Variants in FARP1 observed in about 807,000 individuals in gnomAD.
FARP1 encodes FERM, ARHGEF and pleckstrin domain-containing protein 1.
A neutral mutation model predicts 128.8 loss-of-function variants in FARP1; 52 were observed. The observed-to-expected ratio is 0.40, with a 90% CI of 0.32 to 0.51. The LOEUF is 0.51. Ranked by LOEUF, FARP1 falls within the 20% of genes least tolerant of loss-of-function variation. FARP1 has a pLI of 0.45. For missense variants in FARP1, 1,333 were observed against 1,367.9 expected, an observed-to-expected ratio of 0.97 and a Z score of 0.40; for synonymous variants, 580 against 551.8, an observed-to-expected ratio of 1.05 and a Z score of -0.72.
intron 5 of FARP1, 87 bp from the exon 6 acceptor site, chr13:98,377,734 C>A: frequency 1.1e-6 from 1 of 903,726 alleles, no homozygotes; most frequent in Non-Finnish European, 1.8e-6. Flanking sequence ...GGTTTGCATC[C>A]CTCTCCTTGG....
chr13:98,362,364 T>G (rs935611987), intron 3 of FARP1, among the ~76,000 whole-genome samples: 1 of 152,204 alleles, frequency 6.6e-6, no homozygotes, highest in African/African-American at 2.4e-5. Context: ...CCATTCATCC[T>G]CTTCCCCATG....
At chr13:98,343,535 G>A (rs1261672855) in intron 2 of FARP1, among the ~76,000 whole-genome samples, 1 of 152,190 alleles carries the variant, frequency 6.6e-6, no homozygotes, top group African/African-American at 2.4e-5. Context: ...CCTGGCGTTG[G>A]AGTGGGAAGA....
At chr13:98,273,449 C>G (rs879695544) in intron 2 of FARP1, among the ~76,000 whole-genome samples, 9 of 152,172 alleles carry the variant, frequency 5.9e-5, no homozygotes, top group African/African-American at 2.2e-4. Flanking sequence ...GGGGATGTAA[C>G]GAGGTATGTC....
In FARP1 at chr13:98,176,787, G is replaced by C. The variant is rs201781048; in HGVS notation, c.-24+33295G>C. ...GCTTCAGGTACCTCAGGTAGCTGTGGATTCCCCGGTAGATGTGGTCGTGCT... is the reference window on the plus strand; with the variant it reads ...GCTTCAGGTACCTCAGGTAGCTGTGCATTCCCCGGTAGATGTGGTCGTGCT... On this transcript the variant is annotated intron_variant, in intron 1 of 26. Coordinates refer to ENST00000319562, the MANE Select transcript of FARP1 (RefSeq NM_005766.4). The surrounding 1 kb of genome is among the most constrained non-coding windows in gnomAD (Gnocchi z 6.2). 10 of 1,613,720 alleles carry C rather than the reference G, an allele frequency of 6.2e-6. No homozygotes were observed. Among genetic ancestry groups the C allele is most frequent in the African/African-American group, 1.3e-5 (1 of 74,884 alleles).
At chr13:98,223,578 G>A (rs192972913) in intron 2 of FARP1, among the ~76,000 whole-genome samples, 6 of 152,204 alleles carry the variant, frequency 3.9e-5, no homozygotes, top group Non-Finnish European at 8.8e-5. Flanking sequence ...CACCCGCCTC[G>A]GCCTCCCAAA....
intron 19 of FARP1, chr13:98,436,137 C>T (rs1892259525): frequency 4.2e-6 from 1 of 237,178 alleles, no homozygotes; most frequent in Admixed American, 5.3e-5. Flanking sequence ...AAAATTCAAT[C>T]TTCCATATAT....
chr13:98,336,474 G>T (rs1887749294), intron 2 of FARP1, among the ~76,000 whole-genome samples: 1 of 152,140 alleles, frequency 6.6e-6, no homozygotes, highest in Admixed American at 6.5e-5. Context: ...GTTTTGCCGT[G>T]TTGGCCAGAC....
chr13:98,395,425 G>A lies in FARP1; in HGVS notation c.1363G>A (p.Val455Ile), dbSNP rs142094149. The A allele has an allele frequency of 2.1e-5, 34 of 1,610,846 alleles. No homozygotes were observed. The highest frequency in any genetic ancestry group is 2.5e-5 in the Non-Finnish European group (30 of 1,178,540). ...GCCCACGGAGGAAGAGGAGGAGGTC[G>A]TTAAGGATAGGACCCAGCAGAGTAA... The part of the protein sequence containing the change: ...SAPTEEEEEV[V>I]KDRTQQSKPQ... The change falls in exon 13 of 27, where the codon GTT (valine) becomes ATT (isoleucine). Residue 455 changes from valine to isoleucine, a missense_variant. By Grantham distance (29) the Val-to-Ile change is conservative. Transcript: ENST00000319562.
At chr13:98,409,764 C>G (rs79598537) in intron 14 of FARP1, among the ~76,000 whole-genome samples, 13,279 of 152,224 alleles carry the variant, frequency 0.087, 607 homozygotes, top group East Asian at 0.11. Context: ...TCCTCCTTCC[C>G]CCTCCTGCCA....
chr13:98,436,601 G>A (rs935545780), intron 19 of FARP1, among the ~76,000 whole-genome samples: 1 of 152,214 alleles, frequency 6.6e-6, no homozygotes, highest in Non-Finnish European at 1.5e-5. Context: ...ACTCAGGGCA[G>A]GGGAAGGAAG....
At chr13:98,430,848 C>T (rs1207987844) in intron 17 of FARP1, among the ~76,000 whole-genome samples, 195 bp from the exon 18 acceptor site, 2 of 152,128 alleles carry the variant, frequency 1.3e-5, no homozygotes, top group African/African-American at 4.8e-5. Flanking sequence ...CCTTAATAGG[C>T]CTTTTTATTT....
chr13:98,429,353 C>T (rs144299285), intron 17 of FARP1, among the ~76,000 whole-genome samples: 4 of 152,238 alleles, frequency 2.6e-5, no homozygotes, highest in African/African-American at 9.6e-5. Context: ...GAGTCGCAAG[C>T]GTCAATGCCA....
chr13:98,210,813 T>C (rs1880659693), intron 1 of FARP1, among the ~76,000 whole-genome samples: 1 of 152,204 alleles, frequency 6.6e-6, no homozygotes, highest in South Asian at 2.1e-4. Flanking sequence ...CCTCCCAAAG[T>C]ACTGGGATTA....
intron 7 of FARP1, 63 bp downstream of exon 7, chr13:98,384,907 G>A: frequency 2.1e-6 from 2 of 939,894 alleles, no homozygotes; most frequent in Admixed American, 1.7e-5. Context: ...CAACCTACAT[G>A]GGTGTACATC....
chr13:98,298,388 T>C (rs774483171), intron 2 of FARP1, among the ~76,000 whole-genome samples: 1 of 152,200 alleles, frequency 6.6e-6, no homozygotes, highest in Non-Finnish European at 1.5e-5. Flanking sequence ...ACTAAACATT[T>C]GTTAGCTGTA....
chr13:98,305,147 ATTAT>A (rs374985087), intron 2 of FARP1, among the ~76,000 whole-genome samples: 590 of 150,122 alleles, frequency 3.9e-3, no homozygotes, highest in African/African-American at 0.012. Context: ...TTTTATTTTT[ATTAT>A]TTATTTATTT....
intron 2 of FARP1, among the ~76,000 whole-genome samples, chr13:98,331,524 G>T (rs894219854): frequency 3.9e-5 from 6 of 152,156 alleles, no homozygotes; most frequent in Non-Finnish European, 7.3e-5. Flanking sequence ...GTACGGTGAG[G>T]TTTAAAAATA....
intron 2 of FARP1, among the ~76,000 whole-genome samples, chr13:98,216,025 G>A (rs901599296): frequency 6.6e-6 from 1 of 152,144 alleles, no homozygotes; most frequent in Non-Finnish European, 1.5e-5. Context: ...TCCTGACCTC[G>A]TGATCCGTCC....
intron 2 of FARP1, among the ~76,000 whole-genome samples, chr13:98,336,719 T>G (rs1000240415): frequency 2.0e-5 from 3 of 152,218 alleles, no homozygotes; most frequent in Admixed American, 1.3e-4. Context: ...CTCCTAAGTT[T>G]AATTTTATAG....
Sources: allele counts gnomAD v4.1 joint callset (sites outside exome capture counted in the v4.1 genomes callset), GRCh38; gene constraint gnomAD v4.1.1; non-coding constraint Gnocchi (gnomAD v3.1); transcripts MANE v1.5; gene names NCBI Gene and HGNC (gene_info 2026-07-23, HGNC 2026-07-21).